Variants in PDE12 observed in about 807,000 individuals in gnomAD.
The protein encoded by PDE12 is phosphodiesterase 12.
A neutral mutation model predicts 45.4 loss-of-function variants in PDE12; 26 were observed. That is an observed-to-expected ratio of 0.57 (90% CI 0.42 to 0.79). The LOEUF is 0.79. PDE12 is among the 30% of genes least tolerant of loss of function. The pLI, the probability that PDE12 is intolerant of heterozygous loss-of-function variation, is 0.00. For synonymous variants in PDE12, 283 were observed against 323.9 expected (o/e 0.87, Z 1.36); for missense variants, 668 against 790.0 (o/e 0.85, Z 1.85).
At chr3:57,575,139 C>T in the PDE12 span, among the ~76,000 whole-genome samples, 11 of 146,390 alleles carry the variant, frequency 7.5e-5, no homozygotes, top group African/African-American at 2.3e-4. Context: ...CATGAGCCAC[C>T]GCACCCAGCC....
At chr3:57,643,161 T>C in the PDE12 span, among the ~76,000 whole-genome samples, 1 of 151,710 alleles carries the variant, frequency 6.6e-6, no homozygotes, top group South Asian at 2.1e-4. Context: ...AGAAATGTAA[T>C]CAGAGATATT....
At chr3:57,610,547 C>A in the PDE12 span, among the ~76,000 whole-genome samples, 1 of 152,100 alleles carries the variant, frequency 6.6e-6, no homozygotes, top group Non-Finnish European at 1.5e-5. Context: ...TCTCAGGATA[C>A]AAAATCAATA....
chr3:57,593,797 AG>A, the PDE12 span, among the ~76,000 whole-genome samples: 1 of 152,172 alleles, frequency 6.6e-6, no homozygotes. Flanking sequence ...GCACTTTTCG[AG>A]GCCGAGGTGG....
chr3:57,560,129 T>C lies in PDE12; in HGVS notation c.*125T>C, dbSNP rs17058361. 5.1e-3 allele frequency: 7,354 copies of C among 1,437,226 alleles called. 297 individuals are homozygous for C. The African/African-American group carries it at 0.089, about 17-fold the overall frequency. The allele number at this position is 1,437,226 out of a possible 1,614,324, so 89.0% of individuals were successfully genotyped here. A position where few individuals can be genotyped will look rare whatever the true frequency, so the allele number is the denominator to read the frequency against. The stretch of plus-strand genomic sequence containing the variant: ...GTAAAATGTTCAGCCCTCCTAGTTA[T>C]GTTCCTGATGTCTTCGTTATGAAAC... On this transcript the variant is annotated 3_prime_UTR_variant, in exon 3 of 3. Coordinates refer to ENST00000311180, the MANE Select transcript of PDE12 (RefSeq NM_177966.7).
Position 57,557,444 on chromosome 3 carries a change from A to G in PDE12, c.1065A>G (p.Ala355=), listed in dbSNP as rs1559776835. 13 of 1,613,958 alleles carry G rather than the reference A, an allele frequency of 8.1e-6. No homozygotes were observed. Among genetic ancestry groups the G allele is most frequent in the Non-Finnish European group, 1.1e-5 (13 of 1,180,020 alleles). The part of the protein sequence containing the change: ...DVICLQEVDR[A]VFSDSLVPAL... ...TCTGTTTGCAGGAGGTTGACCGCGC[A>G]GTGTTTTCTGACAGCTTGGTACCCG... The change falls in exon 1 of 3, where the codon GCA becomes GCG. Residue 355 remains alanine, a synonymous_variant. Coordinates refer to ENST00000311180, the MANE Select transcript of PDE12 (RefSeq NM_177966.7).
At chr3:57,577,416 AAC>A in the PDE12 span, 1 of 1,570,842 alleles carries the variant, frequency 6.4e-7, no homozygotes, top group Non-Finnish European at 8.8e-7. Context: ...AGTAAATTTT[AAC>A]AGTTAAACGA....
the PDE12 span, among the ~76,000 whole-genome samples, chr3:57,608,482 T>G: frequency 6.6e-6 from 1 of 151,908 alleles, no homozygotes; most frequent in Non-Finnish European, 1.5e-5. Context: ...TGTGCTGTAT[T>G]CAGGAGACCC....
the PDE12 span, chr3:57,597,956 T>C: frequency 1.3e-5 from 2 of 152,178 alleles, no homozygotes; most frequent in Admixed American, 1.3e-4. Flanking sequence ...GCTAGACGCT[T>C]CGACCACCAC....
chr3:57,641,246 TTA>T, the PDE12 span, among the ~76,000 whole-genome samples: 111 of 141,792 alleles, frequency 7.8e-4, 1 homozygote, highest in African/African-American at 2.3e-3. Context: ...TAAATATATA[TTA>T]TATATTTATA....
At chr3:57,568,721 T>A (rs1334154654), downstream of PDE12, among the ~76,000 whole-genome samples, 1 of 151,976 alleles carries the variant, frequency 6.6e-6, no homozygotes, top group East Asian at 1.9e-4. Flanking sequence ...ATGCCTTTTT[T>A]ATTTTCAATG....
the PDE12 span, among the ~76,000 whole-genome samples, chr3:57,644,230 CG>C: frequency 6.6e-6 from 1 of 151,528 alleles, no homozygotes; most frequent in South Asian, 2.1e-4. Flanking sequence ...TTAAGGGATT[CG>C]TAGAGAAAAG....
chr3:57,572,329 T>G, the PDE12 span: 1 of 1,523,334 alleles, frequency 6.6e-7, no homozygotes, highest in African/African-American at 1.4e-5. Flanking sequence ...AATACTTGAT[T>G]AACAAAGTTA....
At chr3:57,651,152 C>T in the PDE12 span, among the ~76,000 whole-genome samples, 1 of 152,122 alleles carries the variant, frequency 6.6e-6, no homozygotes, top group African/African-American at 2.4e-5. Flanking sequence ...TACAATGGGT[C>T]GACTTACAAT....
the PDE12 span, among the ~76,000 whole-genome samples, chr3:57,606,610 CTG>C: frequency 4.6e-5 from 7 of 151,920 alleles, no homozygotes; most frequent in East Asian, 1.9e-4. Flanking sequence ...AAACAGATAA[CTG>C]TTTAAACAAA....
At chr3:57,589,516 G>A in the PDE12 span, among the ~76,000 whole-genome samples, 1 of 152,038 alleles carries the variant, frequency 6.6e-6, no homozygotes, top group Non-Finnish European at 1.5e-5. Context: ...TCAGCAGTTC[G>A]CGACCAGCCT....
At chr3:57,577,187 CTTAAGT>C in the PDE12 span, 1 of 759,206 alleles carries the variant, frequency 1.3e-6, no homozygotes, top group Non-Finnish European at 2.2e-6. Flanking sequence ...AATATAGTTT[CTTAAGT>C]TTATTTCTAG....
At chr3:57,607,342 C>A in the PDE12 span, among the ~76,000 whole-genome samples, 1 of 152,196 alleles carries the variant, frequency 6.6e-6, no homozygotes, top group South Asian at 2.1e-4. Flanking sequence ...GCGTCTCCCC[C>A]TCCGAAGGAA....
chr3:57,557,466 C>T lies in PDE12; in HGVS notation c.1087C>T (p.Pro363Ser), dbSNP rs201539065. The T allele has an allele frequency of 3.7e-6, 6 of 1,614,016 alleles. No individual in the cohort carries two copies. In the Admixed American group the frequency reaches 5.0e-5, roughly 13 times the overall value. The change falls in exon 1 of 3, where the codon CCC becomes TCC. Residue 363 changes from proline (P) to serine (S), a missense_variant. Around this residue, in one of 3 missense-constraint regions of PDE12, gnomAD observed 580 missense variants for 662.9 expected, o/e 0.87. Coordinates refer to ENST00000311180, the MANE Select transcript of PDE12 (RefSeq NM_177966.7). ...DRAVFSDSLV[P>S]ALEAFGLEGV... ...CGCAGTGTTTTCTGACAGCTTGGTACCCGCCCTAGAGGCCTTCGGGCTCGA... is the reference window on the plus strand; with the variant it reads ...CGCAGTGTTTTCTGACAGCTTGGTATCCGCCCTAGAGGCCTTCGGGCTCGA...
chr3:57,635,553 CTA>C, the PDE12 span, among the ~76,000 whole-genome samples: 1 of 152,094 alleles, frequency 6.6e-6, no homozygotes, highest in Non-Finnish European at 1.5e-5. Context: ...GAAAGACAAT[CTA>C]GAGATTATAT....
Sources: gnomAD v4.1 joint callset for allele counts (sites outside exome capture counted in the v4.1 genomes callset) on GRCh38, gnomAD v4.1.1 for gene constraint, gnomAD v4.1.1 regional missense constraint, MANE v1.5 for transcripts, NCBI Gene and HGNC (gene_info 2026-07-23, HGNC 2026-07-21) for gene names.